The following TBL1X variants were observed in gnomAD, a reference collection of about 807,000 sequenced individuals.
The protein encoded by TBL1X is F-box-like/WD repeat-containing protein TBL1X.
TBL1X carries 10 observed loss-of-function variants against 50.7 expected under a neutral mutation model. That is an observed-to-expected ratio of 0.20 (90% CI 0.12 to 0.33). TBL1X has a LOEUF of 0.33. Among genes scored for constraint, TBL1X ranks in the 10% least tolerant of loss-of-function variants. The pLI is 1.00. For synonymous variants in TBL1X, 190 were observed against 214.7 expected, an observed-to-expected ratio of 0.88 and a Z score of 1.01; for missense variants, 340 against 504.4, an observed-to-expected ratio of 0.67 and a Z score of 3.12.
intron 2 of TBL1X, among the ~76,000 whole-genome samples, chrX:9,607,865 G>A (rs1027451882): frequency 3.6e-5 from 4 of 109,735 alleles, no homozygotes; most frequent in Non-Finnish European, 7.6e-5. Flanking sequence ...CCAGGCTGGA[G>A]TGCAGTGGTG....
intron 2 of TBL1X, among the ~76,000 whole-genome samples, chrX:9,576,632 T>C (rs1034848027): frequency 1.9e-5 from 2 of 107,531 alleles, no homozygotes; most frequent in Admixed American, 1.0e-4. Context: ...TATAAGCTTA[T>C]TCAGGATGGA....
chrX:9,611,877 G>A (rs1263904189), intron 2 of TBL1X, among the ~76,000 whole-genome samples: 1 of 112,176 alleles, frequency 8.9e-6, no homozygotes, highest in Non-Finnish European at 1.9e-5. Flanking sequence ...ATCCTTGCCT[G>A]GATGCTCTGT....
chrX:9,654,594 T>C (rs919318610), intron 5 of TBL1X, among the ~76,000 whole-genome samples: 1 of 111,380 alleles, frequency 9.0e-6, no homozygotes, highest in African/African-American at 3.3e-5. Context: ...ACGGAAGCAG[T>C]GCGGGGCTCT....
intron 6 of TBL1X, among the ~76,000 whole-genome samples, chrX:9,685,376 G>T: frequency 1.8e-5 from 2 of 111,480 alleles, no homozygotes; most frequent in Middle Eastern, 9.2e-3. Flanking sequence ...CTGCAGCCTC[G>T]ACCTCCTGGG....
intron 2 of TBL1X, among the ~76,000 whole-genome samples, chrX:9,614,731 A>G (rs977303874): frequency 1.8e-5 from 2 of 111,617 alleles, no homozygotes; most frequent in African/African-American, 6.5e-5. Context: ...AACAGATGAA[A>G]TAATTGCACC....
intron 7 of TBL1X, among the ~76,000 whole-genome samples, chrX:9,690,136 G>A (rs1422052204): frequency 8.9e-6 from 1 of 112,427 alleles, no homozygotes; most frequent in African/African-American, 3.2e-5. Flanking sequence ...TTTCTCAGGA[G>A]CATAAACCAG....
chrX:9,577,788 G>A (rs2082419969), intron 2 of TBL1X, among the ~76,000 whole-genome samples: 1 of 112,385 alleles, frequency 8.9e-6, no homozygotes, highest in Non-Finnish European at 1.9e-5. Flanking sequence ...TAATGCCAAG[G>A]CCAGGACAGT....
At chrX:9,567,373 G>A (rs1254796871) in intron 2 of TBL1X, among the ~76,000 whole-genome samples, 1 of 111,237 alleles carries the variant, frequency 9.0e-6, no homozygotes, top group Non-Finnish European at 1.9e-5. Flanking sequence ...CACCGCCACT[G>A]CAGCTGTTCT....
chrX:9,631,074 ACT>A (rs953572974), intron 2 of TBL1X, among the ~76,000 whole-genome samples: 1 of 111,358 alleles, frequency 9.0e-6, no homozygotes, highest in African/African-American at 3.3e-5. Flanking sequence ...CATAGAGAAG[ACT>A]CTGGCTTTTT....
chrX:9,579,809 C>G (rs1601772101), intron 2 of TBL1X, among the ~76,000 whole-genome samples: 1 of 110,916 alleles, frequency 9.0e-6, no homozygotes, highest in Admixed American at 9.6e-5. Flanking sequence ...GCCATTTCTC[C>G]CCTGTGCTGG....
At chrX:9,696,829 A>T (rs760839413) in intron 11 of TBL1X, among the ~76,000 whole-genome samples, 1 of 112,685 alleles carries the variant, frequency 8.9e-6, no homozygotes, top group African/African-American at 3.2e-5. Context: ...TTGGTTAGGG[A>T]TGCTCTGTCC....
chrX:9,531,423 G>T (rs1398479440), intron 2 of TBL1X, among the ~76,000 whole-genome samples: 4 of 101,841 alleles, frequency 3.9e-5, no homozygotes, highest in African/African-American at 1.4e-4. Flanking sequence ...TGGTGGTGGG[G>T]TTTTTTTGCC....
chrX:9,640,382 T>C (rs764359122), intron 3 of TBL1X, 22 bp downstream of exon 3: 2 of 111,907 alleles, frequency 1.8e-5, no homozygotes, highest in African/African-American at 3.2e-5. Flanking sequence ...AGCATGCCAT[T>C]GGATCCTTGC....
intron 9 of TBL1X, among the ~76,000 whole-genome samples, chrX:9,692,796 G>A (rs1601843698): frequency 8.9e-6 from 1 of 112,609 alleles, no homozygotes; most frequent in East Asian, 2.8e-4. Context: ...ACGTGAGCAT[G>A]CCTTAGCAAA....
intron 2 of TBL1X, among the ~76,000 whole-genome samples, chrX:9,521,015 T>C (rs2082104214): frequency 9.0e-6 from 1 of 111,319 alleles, no homozygotes; most frequent in Non-Finnish European, 1.9e-5. Flanking sequence ...GGAGGATAAC[T>C]TGACCCCAGG....
At chrX:9,649,059 G>A (rs1437695818) in intron 3 of TBL1X, among the ~76,000 whole-genome samples, 3 of 111,529 alleles carry the variant, frequency 2.7e-5, no homozygotes, top group African/African-American at 9.8e-5. Flanking sequence ...GCAGCTAAAC[G>A]CCGGGACACC....
chrX:9,594,639 G>A (rs1331820360), intron 2 of TBL1X, among the ~76,000 whole-genome samples: 3 of 112,094 alleles, frequency 2.7e-5, no homozygotes, highest in Non-Finnish European at 5.6e-5. Context: ...CAAGAAATGG[G>A]TTTTAGCCAC....
chrX:9,492,892 T>TAG (rs2081954086), intron 1 of TBL1X, among the ~76,000 whole-genome samples: 1 of 15,476 alleles, frequency 6.5e-5, no homozygotes, highest in African/African-American at 1.8e-4. Flanking sequence ...TGTGTGTGTG[T>TAG]GTGTGTAGGG....
chrX:9,680,114 A>G (rs183623427), intron 5 of TBL1X, among the ~76,000 whole-genome samples: 26 of 111,181 alleles, frequency 2.3e-4, no homozygotes, highest in African/African-American at 8.2e-4. Flanking sequence ...CCTCTTTTAT[A>G]GGGACACTGA....
Sources: gnomAD v4.1 joint callset for allele counts (sites outside exome capture counted in the v4.1 genomes callset) on GRCh38, gnomAD v4.1.1 for gene constraint, MANE v1.5 for transcripts, NCBI Gene and HGNC (gene_info 2026-07-23, HGNC 2026-07-21) for gene names.